GPC5: variants seen among roughly 807,000 people sequenced by gnomAD.
GPC5 encodes the protein glypican 5.
In GPC5, 47 loss-of-function variants were observed where a neutral mutation model predicts 53.9. The ratio of observed to expected loss-of-function variants is 0.87; its 90% CI spans 0.69 to 1.11. The LOEUF (loss-of-function observed/expected upper bound fraction) is 1.11, where lower values mean the gene tolerates loss of function less well. Ranked by LOEUF, GPC5 falls within the 50% of genes most tolerant of loss-of-function variation. The probability of loss-of-function intolerance (pLI) is 0.00; values close to 1 mark genes in which losing one functional copy is unlikely to be tolerated. For synonymous variants in GPC5, 286 were observed against 263.3 expected (o/e 1.09, Z -0.84); for missense variants, 748 against 713.1 (o/e 1.05, Z -0.56).
At chr13:92,632,147 C>T (rs1260210030) in intron 7 of GPC5, among the ~76,000 whole-genome samples, 2 of 152,016 alleles carry the variant, frequency 1.3e-5, no homozygotes, top group African/African-American at 2.4e-5. Flanking sequence ...CAGAAGATGA[C>T]AAAAGCATTG....
Position 92,042,544 on chromosome 13 carries a change from G to A in GPC5, c.1402-102286G>A, listed in dbSNP as rs1050677785. ...ACATGTTTGAGAAGCCACATACCAC[G>A]GGGAAAATAGACTTTGCAGAACTAG... On this transcript the variant is annotated intron_variant, in intron 6 of 7. Transcript: ENST00000377067. 9.2e-5 allele frequency among the ~76,000 whole-genome samples: 14 copies of A among 152,164 alleles called. No homozygotes were observed. The East Asian group carries it at 2.1e-3, about 23-fold the overall frequency.
intron 7 of GPC5, among the ~76,000 whole-genome samples, chr13:92,774,020 A>G (rs1487995605): frequency 1.3e-5 from 2 of 152,342 alleles, no homozygotes; most frequent in African/African-American, 2.4e-5. Context: ...CTTATTCACT[A>G]TCACAAGAAC....
intron 5 of GPC5, among the ~76,000 whole-genome samples, chr13:91,873,368 G>A (rs1172849772): frequency 6.6e-6 from 1 of 152,036 alleles, no homozygotes. Flanking sequence ...GATATGGTTT[G>A]GCTGTGTCCC....
chr13:92,809,341 G>A (rs1287295561), intron 7 of GPC5, among the ~76,000 whole-genome samples: 2 of 152,140 alleles, frequency 1.3e-5, no homozygotes, highest in African/African-American at 2.4e-5. Flanking sequence ...CAAACATACT[G>A]CAATCGCTGT....
intron 5 of GPC5, among the ~76,000 whole-genome samples, chr13:91,806,619 G>A (rs1306420878): frequency 6.6e-6 from 1 of 152,028 alleles, no homozygotes; most frequent in East Asian, 1.9e-4. Context: ...ACAATTTACA[G>A]GACAGGAAAT....
chr13:92,596,788 TAA>T (rs1318229324), intron 7 of GPC5, among the ~76,000 whole-genome samples: 1 of 152,288 alleles, frequency 6.6e-6, no homozygotes, highest in Admixed American at 6.5e-5. Context: ...AGTATAATTC[TAA>T]AGTCATAATA....
rs376833547 is a variant in GPC5, at chr13:91,884,833, T to C, written c.1281-23104T>C. Reference sequence around the variant, plus strand: ...AAAAATTTTTAATACTATCTCAAAATAAAGGATATGGAAAGTTTTTCCTTT... The same window carrying C: ...AAAAATTTTTAATACTATCTCAAAACAAAGGATATGGAAAGTTTTTCCTTT... On this transcript the variant is annotated intron_variant, in intron 5 of 7. Transcript: ENST00000377067. Among the ~76,000 whole-genome samples, 16 of 152,276 alleles carry C rather than the reference T, an allele frequency of 1.1e-4. No homozygotes were observed. The South Asian group carries it at 3.1e-3, about 30-fold the overall frequency.
At chr13:91,945,218 A>G (rs1356298880) in intron 6 of GPC5, among the ~76,000 whole-genome samples, 1 of 152,110 alleles carries the variant, frequency 6.6e-6, no homozygotes, top group African/African-American at 2.4e-5. Flanking sequence ...TTTCTCACTT[A>G]CACCCTTTAC....
At chr13:91,655,259 T>C (rs1270976475) in intron 2 of GPC5, among the ~76,000 whole-genome samples, 2 of 152,092 alleles carry the variant, frequency 1.3e-5, no homozygotes, top group Non-Finnish European at 2.9e-5. Context: ...AACTGTTGTA[T>C]GCTAGGACAA....
At position 92,048,775 on chromosome 13, in the gene GPC5, C is replaced by T. The variant is rs548838602; in HGVS notation, c.1402-96055C>T. On this transcript the variant is annotated intron_variant, in intron 6 of 7. Transcript: ENST00000377067. ...TCAGATTGTCTTTCATATATGACAC[C>T]GAGCAGTCACAATGGTTTTTTCTCA... 2.9e-4 allele frequency among the ~76,000 whole-genome samples: 44 copies of T among 152,172 alleles called. 1 individual carries two copies. Among genetic ancestry groups the T allele is most frequent in the African/African-American group, 9.6e-4 (40 of 41,522 alleles).
chr13:92,830,235 T>C (rs1035380550), intron 7 of GPC5, among the ~76,000 whole-genome samples: 1 of 152,066 alleles, frequency 6.6e-6, no homozygotes, highest in African/African-American at 2.4e-5. Flanking sequence ...TTTTCGTGTT[T>C]TGTGCCTAAG....
At chr13:92,777,022 C>CAA (rs1243297680) in intron 7 of GPC5, among the ~76,000 whole-genome samples, 604 of 26,670 alleles carry the variant, frequency 0.023, 95 homozygotes, top group East Asian at 0.16. Flanking sequence ...GACCCTGCCT[C>CAA]AAAAAAAAAA....
chr13:91,913,535 C>A (rs1036572478), intron 6 of GPC5, among the ~76,000 whole-genome samples: 5 of 152,078 alleles, frequency 3.3e-5, no homozygotes, highest in Non-Finnish European at 7.4e-5. Context: ...CTTCTCCACA[C>A]CCCCTCAAAA....
intron 2 of GPC5, among the ~76,000 whole-genome samples, chr13:91,502,247 T>G (rs1884679444): frequency 6.6e-6 from 1 of 152,144 alleles, no homozygotes; most frequent in Non-Finnish European, 1.5e-5. Flanking sequence ...CTCTTTAGTT[T>G]AATTAGATCC....
intron 6 of GPC5, among the ~76,000 whole-genome samples, chr13:91,957,431 C>A (rs1049707235): frequency 1.3e-5 from 2 of 152,020 alleles, no homozygotes; most frequent in African/African-American, 4.8e-5. Flanking sequence ...GAAAATTTCC[C>A]AAATCAGCTC....
chr13:91,596,335 G>C (rs1456987796), intron 2 of GPC5, among the ~76,000 whole-genome samples: 1 of 152,126 alleles, frequency 6.6e-6, no homozygotes, highest in Non-Finnish European at 1.5e-5. Context: ...ATTATGGCTA[G>C]ATCACATGCT....
At chr13:92,644,581 G>A (rs1238695210) in intron 7 of GPC5, among the ~76,000 whole-genome samples, 5 of 152,040 alleles carry the variant, frequency 3.3e-5, no homozygotes, top group African/African-American at 9.7e-5. Context: ...ATTGACCCCA[G>A]TTGAAGGATT....
chr13:91,959,226 C>T (rs2040104264), intron 6 of GPC5, among the ~76,000 whole-genome samples: 1 of 151,880 alleles, frequency 6.6e-6, no homozygotes, highest in Admixed American at 6.6e-5. Context: ...GGAAACACTT[C>T]AGCTGATACC....
At chr13:92,550,296 A>G (rs1275840294) in intron 7 of GPC5, among the ~76,000 whole-genome samples, 2 of 151,844 alleles carry the variant, frequency 1.3e-5, no homozygotes, top group Admixed American at 6.6e-5. Context: ...AACCTACATT[A>G]TTCATTAAAT....
Sources: gnomAD v4.1 joint callset for allele counts (sites outside exome capture counted in the v4.1 genomes callset) on GRCh38, gnomAD v4.1.1 for gene constraint, MANE v1.5 for transcripts, NCBI Gene and HGNC (gene_info 2026-07-23, HGNC 2026-07-21) for gene names.